Variants in COL11A1 observed in about 807,000 individuals in gnomAD.
COL11A1 encodes collagen type XI alpha 1 chain, also known as collagen alpha-1(XI) chain.
Under a neutral mutation model 265.2 loss-of-function variants are expected in COL11A1, and 74 were observed. That is an observed-to-expected ratio of 0.28 (90% CI 0.23 to 0.34). The LOEUF is 0.34. Among genes scored for constraint, COL11A1 ranks in the 10% least tolerant of loss-of-function variants. COL11A1 has a pLI of 1.00. For synonymous variants in COL11A1, 816 were observed against 727.6 expected, an observed-to-expected ratio of 1.12 and a Z score of -1.96; for missense variants, 2,165 against 2,263.6, an observed-to-expected ratio of 0.96 and a Z score of 0.88.
At chr1:102,987,918 C>T (rs777784339) in intron 29 of COL11A1, among the ~76,000 whole-genome samples, 178 bp from the exon 30 acceptor site, 1 of 152,058 alleles carries the variant, frequency 6.6e-6, no homozygotes, top group Non-Finnish European at 1.5e-5. Flanking sequence ...GAGAAATGTA[C>T]TTTATAGTTT....
intron 41 of COL11A1, among the ~76,000 whole-genome samples, chr1:102,949,862 CA>C (rs1162298860): frequency 6.6e-6 from 1 of 152,240 alleles, no homozygotes; most frequent in East Asian, 1.9e-4. Context: ...TCTACCAAAA[CA>C]AGCTCATTTT....
At chr1:103,060,701 C>A (rs906862060) in intron 4 of COL11A1, among the ~76,000 whole-genome samples, 1 of 152,186 alleles carries the variant, frequency 6.6e-6, no homozygotes, top group African/African-American at 2.4e-5. Context: ...GCGGCACATG[C>A]ATTTAATCCC....
Position 103,082,917 on chromosome 1 carries a change from T to A in COL11A1, c.162A>T (p.Ile54=). ...ALDFHNSPEG[I]SKTTGFCTNR... is the part of the protein sequence containing the mutation. ...TTGTGCAAAATCCCGTTGTTTTTGA[T>A]ATTCCCTCTGGAGAATTGTGAAAAT... The change falls in exon 2 of 67, where the codon ATA becomes ATT. Residue 54 remains isoleucine (I), a synonymous_variant. Coordinates refer to ENST00000370096, the MANE Select transcript of COL11A1 (RefSeq NM_001854.4). 6.2e-7 allele frequency: 1 copy of A among 1,613,656 alleles called. No individual in the cohort carries two copies. The highest frequency in any genetic ancestry group is 8.5e-7 in the Non-Finnish European group (1 of 1,179,724).
intron 9 of COL11A1, among the ~76,000 whole-genome samples, chr1:103,019,753 A>C (rs1204415580): frequency 9.5e-6 from 1 of 105,442 alleles, no homozygotes; most frequent in African/African-American, 3.8e-5. Flanking sequence ...CCCACCCCAC[A>C]ACAGTCCCCA....
At chr1:103,097,222 T>G (rs1339641591) in intron 1 of COL11A1, among the ~76,000 whole-genome samples, 1 of 151,984 alleles carries the variant, frequency 6.6e-6, no homozygotes, top group African/African-American at 2.4e-5. Flanking sequence ...CATGTTTCCA[T>G]GCTATGCAGA....
At position 103,003,409 on chromosome 1, in the gene COL11A1, C is replaced by T. The variant is rs990050694; in HGVS notation, c.1945-141G>A. On this transcript the variant is annotated intron_variant, in intron 20 of 66. Transcript: ENST00000370096. Reference sequence around the variant, plus strand: ...TTTATTAACACACTGAAAGTGATGTCCATAACATAAATATCTAGTGTTTAT... The same window carrying T: ...TTTATTAACACACTGAAAGTGATGTTCATAACATAAATATCTAGTGTTTAT... 3 of 905,082 alleles carry T rather than the reference C, an allele frequency of 3.3e-6. No individual in the cohort carries two copies. The African/African-American group carries it at 5.1e-5, about 15-fold the overall frequency. The allele number at this position is 905,082 out of a possible 1,614,324, so 56.1% of individuals were successfully genotyped here.
At chr1:103,019,480 T>G (rs1460949393) in intron 9 of COL11A1, among the ~76,000 whole-genome samples, 1 of 152,168 alleles carries the variant, frequency 6.6e-6, no homozygotes, top group Non-Finnish European at 1.5e-5. Flanking sequence ...TAATAAGGAC[T>G]GATTCATTCT....
rs769329430 is a variant in COL11A1 at position 102,879,726 on chromosome 1, T to A, written c.5231A>T (p.Tyr1744Phe). 6.2e-7 allele frequency: 1 copy of A among 1,613,936 alleles called. No homozygotes were observed. Among genetic ancestry groups the A allele is most frequent in the Non-Finnish European group, 8.5e-7 (1 of 1,179,880 alleles). ...TGTTTTGATAAAAGGATTATTGTCA[T>A]AGGACATCTCCTCATCATTTGATCC... ...FLGSNDEEMS[Y>F]DNNPFIKTLY... Residue 1744 changes from tyrosine to phenylalanine, a missense_variant, in exon 66 of 67, where the codon TAT (tyrosine) becomes TTT (phenylalanine). Tyr to Phe is a conservative substitution (Grantham distance 22, BLOSUM62 3). Coordinates refer to ENST00000370096, the MANE Select transcript of COL11A1 (RefSeq NM_001854.4).
intron 1 of COL11A1, among the ~76,000 whole-genome samples, chr1:103,107,386 G>C (rs1489996044): frequency 6.6e-6 from 1 of 151,766 alleles, no homozygotes; most frequent in African/African-American, 2.4e-5. Flanking sequence ...GAAGCGGAGG[G>C]GTGGGGTGGG....
Position 102,898,739 on chromosome 1 carries a change from GT to G in COL11A1, c.4174del (p.Thr1392ProfsTer66). ...AGGTCCCTGAGGACCGACTGGGCCG[GT>G]TTTTCCAGGAGGACCTTCTGCACCT... ...EAGAEGPPGK[T>X]GPVGPQGPAG... On this transcript the variant is annotated frameshift_variant, in exon 56 of 67. Transcript: ENST00000370096. LOFTEE classifies it high-confidence loss of function. The G allele has an allele frequency of 6.2e-7, 1 of 1,613,084 alleles. No homozygotes were observed. The highest frequency in any genetic ancestry group is 8.5e-7 in the Non-Finnish European group (1 of 1,179,410).
At chr1:103,015,451 G>A (rs1341856716) in intron 12 of COL11A1, among the ~76,000 whole-genome samples, 2 of 152,016 alleles carry the variant, frequency 1.3e-5, no homozygotes, top group African/African-American at 4.8e-5. Flanking sequence ...TGCTAAGAGT[G>A]TAATCAAATA....
At chr1:103,078,442 A>G (rs1397567552) in intron 3 of COL11A1, among the ~76,000 whole-genome samples, 1 of 151,922 alleles carries the variant, frequency 6.6e-6, no homozygotes, top group Admixed American at 6.6e-5. Flanking sequence ...CACACTTATT[A>G]CCACCTGCTA....
intron 54 of COL11A1, among the ~76,000 whole-genome samples, chr1:102,904,936 C>G (rs1223046924): frequency 6.6e-6 from 1 of 151,874 alleles, no homozygotes; most frequent in African/African-American, 2.4e-5. Flanking sequence ...ATGTTTATAG[C>G]GGCACTATTC....
intron 41 of COL11A1, among the ~76,000 whole-genome samples, chr1:102,961,393 G>A (rs554453953): frequency 3.9e-5 from 6 of 152,056 alleles, no homozygotes; most frequent in Admixed American, 1.3e-4. Flanking sequence ...TATGTTTTTT[G>A]TATCATTGAC....
rs759287995 is a variant in COL11A1, at chr1:103,031,258, A to C, written c.652-14T>G. The stretch of plus-strand genomic sequence containing the variant: ...CTGAATGTCCCCCTGGGAAAAAAAA[A>C]AAAACAAAAACAAACAGACACAGAT... On this transcript the variant is annotated splice_polypyrimidine_tract_variant and intron_variant, in intron 4 of 66. Transcript: ENST00000370096. 40 of 1,599,736 alleles carry C rather than the reference A, an allele frequency of 2.5e-5. No individual in the cohort carries two copies. Among genetic ancestry groups the C allele is most frequent in the South Asian group, 2.4e-4 (22 of 90,710 alleles).
At chr1:102,893,647 C>A (rs1476162654) in intron 57 of COL11A1, among the ~76,000 whole-genome samples, 1 of 152,092 alleles carries the variant, frequency 6.6e-6, no homozygotes, top group Non-Finnish European at 1.5e-5. Flanking sequence ...GTCTAGAATA[C>A]ACAAGCAAAC....
chr1:102,986,103 T>C (rs1188426340), intron 30 of COL11A1, among the ~76,000 whole-genome samples: 2 of 152,086 alleles, frequency 1.3e-5, no homozygotes, highest in Non-Finnish European at 2.9e-5. Flanking sequence ...CTTCTATTTG[T>C]AATTTTCTTA....
chr1:103,053,486 C>A (rs773458570), intron 4 of COL11A1, among the ~76,000 whole-genome samples: 1 of 152,166 alleles, frequency 6.6e-6, no homozygotes, highest in African/African-American at 2.4e-5. Flanking sequence ...TTCAGCCCTA[C>A]AGAATCACTG....
chr1:103,061,584 C>T (rs1286459596), intron 4 of COL11A1, among the ~76,000 whole-genome samples: 2 of 151,762 alleles, frequency 1.3e-5, no homozygotes, highest in Non-Finnish European at 2.9e-5. Flanking sequence ...TGGGAAATCC[C>T]AAAATAATTG....
Sources: allele counts gnomAD v4.1 joint callset (sites outside exome capture counted in the v4.1 genomes callset), GRCh38; gene constraint gnomAD v4.1.1; transcripts MANE v1.5; gene names NCBI Gene and HGNC (gene_info 2026-07-23, HGNC 2026-07-21).